Variants in LINGO1 observed in about 807,000 individuals in gnomAD.
The protein encoded by LINGO1 is leucine rich repeat and Ig domain containing 1, also known as leucine-rich repeat and immunoglobulin-like domain-containing nogo receptor-interacting protein 1.
LINGO1 carries 11 observed loss-of-function variants against 37.3 expected under a neutral mutation model. That is an observed-to-expected ratio of 0.29 (90% CI 0.19 to 0.49). The LOEUF (loss-of-function observed/expected upper bound fraction) is 0.49, where lower values mean the gene tolerates loss of function less well. Ranked by LOEUF, LINGO1 falls within the 20% of genes least tolerant of loss-of-function variation. LINGO1 has a pLI of 0.99. For synonymous variants in LINGO1, 387 were observed against 403.0 expected, an observed-to-expected ratio of 0.96 and a Z score of 0.48; for missense variants, 585 against 878.2, an observed-to-expected ratio of 0.67 and a Z score of 4.22.
upstream of LINGO1, among the ~76,000 whole-genome samples, chr15:77,701,441 C>T (rs535013117): frequency 7.6e-4 from 116 of 152,200 alleles, no homozygotes; most frequent in African/African-American, 2.5e-3. Flanking sequence ...ACCTCCCTGG[C>T]GGGGTGGGAA....
chr15:77,664,170 T>TGTGCGCGC, intron 3 of LINGO1, among the ~76,000 whole-genome samples: 29 of 131,010 alleles, frequency 2.2e-4, no homozygotes, highest in East Asian at 8.1e-4. Flanking sequence ...TGTGTGTGTG[T>TGTGCGCGC]GCGCGCGCGC....
intron 2 of LINGO1, among the ~76,000 whole-genome samples, chr15:77,734,149 A>G (rs1485863426): frequency 1.3e-5 from 2 of 152,090 alleles, no homozygotes; most frequent in Admixed American, 6.5e-5. Flanking sequence ...TCCAGCCCCC[A>G]CTACTTCAAA....
intron 3 of LINGO1, among the ~76,000 whole-genome samples, chr15:77,674,808 C>T (rs1169580222): frequency 1.3e-5 from 2 of 151,844 alleles, no homozygotes; most frequent in African/African-American, 2.4e-5. Flanking sequence ...CACTCCCATA[C>T]GCATGCTGTA....
chr15:77,733,701 C>T (rs2076175456), intron 2 of LINGO1, among the ~76,000 whole-genome samples: 1 of 152,210 alleles, frequency 6.6e-6, no homozygotes, highest in Admixed American at 6.5e-5. Context: ...TTCTTGTACA[C>T]TTAAAAAGAG....
chr15:77,785,759 C>G (rs577815944), intron 1 of LINGO1, among the ~76,000 whole-genome samples: 1 of 152,156 alleles, frequency 6.6e-6, no homozygotes, highest in Non-Finnish European at 1.5e-5. Context: ...CTCCCGAGCT[C>G]TAAGGACCAG....
Position 77,614,968 on chromosome 15 carries a change from C to A in LINGO1, c.939G>T (p.Leu313=), listed in dbSNP as rs776220853. The A allele has an allele frequency of 5.8e-5, 94 of 1,613,830 alleles. No homozygotes were observed. The highest frequency in any genetic ancestry group is 7.7e-5 in the Non-Finnish European group (91 of 1,179,868). The stretch of plus-strand genomic sequence containing the variant: ...GCCCGCCCACCAGCTGGATCTCCTG[C>A]AGCCGGAGCAGCTCATGCAACATGG... ...EGSMLHELLR[L]QEIQLVGGQL... Residue 313 remains leucine, a synonymous_variant, in exon 2 of 2, where the codon CTG becomes CTT. Transcript: ENST00000355300.
At chr15:77,790,877 T>C (rs1034207888), upstream of LINGO1, among the ~76,000 whole-genome samples, 3 of 152,222 alleles carry the variant, frequency 2.0e-5, no homozygotes, top group African/African-American at 7.2e-5. Context: ...GTGAGGTCCC[T>C]GTCCCTGAAG....
chr15:77,729,225 G>GGT (rs2076131740), intron 2 of LINGO1, among the ~76,000 whole-genome samples: 2 of 152,208 alleles, frequency 1.3e-5, no homozygotes, highest in African/African-American at 4.8e-5. Flanking sequence ...GAGAGCACTT[G>GGT]CAGAGTTGGG....
rs540228100 is a variant in LINGO1, at chr15:77,751,959, C to T, written c.-256-16906G>A. Among the ~76,000 whole-genome samples the T allele has an allele frequency of 1.9e-4, 29 of 152,334 alleles. 1 individual carries two copies. In the South Asian group the frequency reaches 2.9e-3, roughly 15 times the overall value. Reference sequence around the variant, plus strand: ...CCATCATCTCACCAAGCCCAGGAGCCGCCCTCTCACATGTGACCATGCCTC... The same window carrying T: ...CCATCATCTCACCAAGCCCAGGAGCTGCCCTCTCACATGTGACCATGCCTC... On this transcript the variant is annotated intron_variant, in intron 1 of 3. Transcript: ENST00000561686.
intron 1 of LINGO1, among the ~76,000 whole-genome samples, chr15:77,620,247 C>A (rs1333775607): frequency 6.6e-6 from 1 of 152,180 alleles, no homozygotes; most frequent in African/African-American, 2.4e-5. Context: ...AAAATTGAAC[C>A]AATAAATACT....
chr15:77,634,162 G>T (rs1368442416), upstream of LINGO1: 2 of 438,528 alleles, frequency 4.6e-6, no homozygotes, highest in Non-Finnish European at 4.6e-6. Flanking sequence ...CAGGAAGCCT[G>T]CGCAACATCA....
chr15:77,623,521 C>T (rs562970233), intron 1 of LINGO1, among the ~76,000 whole-genome samples: 1 of 152,356 alleles, frequency 6.6e-6, no homozygotes, highest in African/African-American at 2.4e-5. Flanking sequence ...GGGGGGCTGC[C>T]TCCTGGCCCA....
chr15:77,776,317 C>A (rs1484526006), intron 1 of LINGO1, among the ~76,000 whole-genome samples: 2 of 152,166 alleles, frequency 1.3e-5, no homozygotes, highest in African/African-American at 4.8e-5. Flanking sequence ...CCCTGGCCAC[C>A]CTCCCTGCCA....
intron 1 of LINGO1, among the ~76,000 whole-genome samples, chr15:77,738,650 A>C (rs941873504): frequency 2.0e-5 from 3 of 152,152 alleles, no homozygotes; most frequent in Non-Finnish European, 4.4e-5. Flanking sequence ...AAACTCCATA[A>C]GGCAGGCAGG....
chr15:77,773,851 C>T (rs2076610178), intron 1 of LINGO1, among the ~76,000 whole-genome samples: 2 of 152,186 alleles, frequency 1.3e-5, no homozygotes, highest in South Asian at 4.2e-4. Flanking sequence ...GTCCTACCTA[C>T]TCAGGGGTCT....
At chr15:77,736,849 C>A (rs2076208922) in intron 1 of LINGO1, among the ~76,000 whole-genome samples, 1 of 152,108 alleles carries the variant, frequency 6.6e-6, no homozygotes, top group Non-Finnish European at 1.5e-5. Context: ...AGAGTGGTGA[C>A]CAGTAAGCCG....
intron 1 of LINGO1, among the ~76,000 whole-genome samples, chr15:77,779,283 C>T (rs927031991): frequency 2.0e-5 from 3 of 152,120 alleles, no homozygotes; most frequent in Admixed American, 2.0e-4. Context: ...ACAGCAGTCC[C>T]CAACCTTTCT....
chr15:77,759,520 CAGTA>C (rs544394590), intron 1 of LINGO1, among the ~76,000 whole-genome samples: 120 of 152,334 alleles, frequency 7.9e-4, no homozygotes, highest in African/African-American at 2.4e-3. Context: ...TGGCTGTCAA[CAGTA>C]AGTGAGGTTG....
At chr15:77,637,928 C>G (rs938174459), upstream of LINGO1, among the ~76,000 whole-genome samples, 5 of 152,192 alleles carry the variant, frequency 3.3e-5, no homozygotes, top group African/African-American at 1.2e-4. The surrounding 1 kb of genome is among the most constrained non-coding windows in gnomAD (Gnocchi z 4.6). Flanking sequence ...AGAGGAGGGC[C>G]AGGGCATGGG....
Sources: allele counts gnomAD v4.1 joint callset (sites outside exome capture counted in the v4.1 genomes callset), GRCh38; gene constraint gnomAD v4.1.1; non-coding constraint Gnocchi (gnomAD v3.1); transcripts MANE v1.5; gene names NCBI Gene and HGNC (gene_info 2026-07-23, HGNC 2026-07-21).